The following PCBD2 variants were observed in gnomAD, a reference collection of about 807,000 sequenced individuals.
PCBD2 encodes pterin-4 alpha-carbinolamine dehydratase 2.
PCBD2 carries 12 observed loss-of-function variants against 16.4 expected under a neutral mutation model. The ratio of observed to expected loss-of-function variants is 0.73; its 90% CI spans 0.47 to 1.19. PCBD2 has a LOEUF of 1.19. Ranked by LOEUF, PCBD2 falls within the 50% of genes most tolerant of loss-of-function variation. PCBD2 has a pLI of 0.00. For synonymous variants in PCBD2, 58 were observed against 61.8 expected (o/e 0.94, Z 0.29); for missense variants, 138 against 156.8 (o/e 0.88, Z 0.64).
rs116372659 is a variant in PCBD2 at position 134,918,483 on chromosome 5, C to T, written c.216+8017C>T. On this transcript the variant is annotated intron_variant, in intron 2 of 3. Transcript: ENST00000254908. ...TCACGGCACTGCACTCCAGCCTGGG[C>T]GACAGAGTACTCCATCTCAAAAAAT... Among the ~76,000 whole-genome samples, 1,239 of 152,036 alleles carry T rather than the reference C, an allele frequency of 8.1e-3. 8 individuals carry two copies. Among genetic ancestry groups the T allele is most frequent in the Middle Eastern group, 0.037 (11 of 294 alleles).
At chr5:134,910,722 G>A (rs1750759243) in intron 2 of PCBD2, among the ~76,000 whole-genome samples, 1 of 152,212 alleles carries the variant, frequency 6.6e-6, no homozygotes, top group African/African-American at 2.4e-5. Context: ...CTTTGGTATG[G>A]TGTTGGTTAG....
chr5:134,941,670 CG>C (rs1421170911), intron 2 of PCBD2, among the ~76,000 whole-genome samples: 1 of 151,856 alleles, frequency 6.6e-6, no homozygotes, highest in African/African-American at 2.4e-5. Context: ...GAGAATGAGT[CG>C]GATGTTTTAA....
At chr5:134,957,577 GGATCCCTTGAGT>G (rs1239813557) in intron 2 of PCBD2, among the ~76,000 whole-genome samples, 3 of 152,288 alleles carry the variant, frequency 2.0e-5, no homozygotes, top group Non-Finnish European at 4.4e-5. Flanking sequence ...TGAGGCAGGA[GGATCCCTTGAGT>G]GATCCCTTGA....
chr5:134,925,438 A>G, intron 2 of PCBD2: 2 of 398,532 alleles, frequency 5.0e-6, no homozygotes, highest in Non-Finnish European at 8.8e-6. Context: ...TCCGGAGCAT[A>G]TAAATAGTAT....
At chr5:134,939,630 G>A (rs1243783422) in intron 2 of PCBD2, among the ~76,000 whole-genome samples, 1 of 152,156 alleles carries the variant, frequency 6.6e-6, no homozygotes, top group Non-Finnish European at 1.5e-5. Context: ...TGCCTGCAAT[G>A]AGCAACAGCT....
At chr5:134,918,981 T>C (rs757250889) in intron 2 of PCBD2, among the ~76,000 whole-genome samples, 1 of 152,138 alleles carries the variant, frequency 6.6e-6, no homozygotes, top group Non-Finnish European at 1.5e-5. Flanking sequence ...AACAGATAGA[T>C]GAGGAGAAAT....
chr5:134,909,805 A>G (rs1192909902), intron 1 of PCBD2, among the ~76,000 whole-genome samples: 2 of 152,220 alleles, frequency 1.3e-5, no homozygotes, highest in East Asian at 1.9e-4. Context: ...GCAGTCACTC[A>G]TGCCTGTAAT....
At chr5:134,947,773 TCG>T (rs1366125776) in intron 2 of PCBD2, among the ~76,000 whole-genome samples, 2 of 151,486 alleles carry the variant, frequency 1.3e-5, no homozygotes, top group African/African-American at 4.8e-5. Flanking sequence ...GCCTATGAAG[TCG>T]TTTTTTTTTT....
intron 2 of PCBD2, among the ~76,000 whole-genome samples, chr5:134,953,260 A>G (rs1302190006): frequency 6.6e-6 from 1 of 151,304 alleles, no homozygotes; most frequent in Middle Eastern, 3.2e-3. Flanking sequence ...TTTCATTTTA[A>G]TTATGTTTTT....
At chr5:134,959,244 A>G in intron 3 of PCBD2, 124 bp downstream of exon 3, 2 of 669,826 alleles carry the variant, frequency 3.0e-6, no homozygotes, top group Non-Finnish European at 2.5e-6. Flanking sequence ...TTCTCTCAGA[A>G]TCCCTGTGTA....
intron 2 of PCBD2, among the ~76,000 whole-genome samples, chr5:134,922,473 C>A (rs1484260816): frequency 6.6e-6 from 1 of 152,170 alleles, no homozygotes; most frequent in East Asian, 1.9e-4. Flanking sequence ...TTTTTATGCA[C>A]TTAACAATAA....
intron 2 of PCBD2, among the ~76,000 whole-genome samples, chr5:134,946,289 C>G (rs377415741): frequency 1.1e-4 from 17 of 152,162 alleles, no homozygotes; most frequent in African/African-American, 4.1e-4. Context: ...GGGACTATTC[C>G]AAGTTTGCAA....
intron 1 of PCBD2, chr5:134,905,530 G>A: frequency 3.5e-6 from 1 of 282,334 alleles, no homozygotes; most frequent in Non-Finnish European, 6.6e-6. Context: ...GATGTGAAAA[G>A]TAGTTGCAGA....
chr5:134,921,559 G>T (rs893557302), intron 2 of PCBD2, among the ~76,000 whole-genome samples: 1 of 152,116 alleles, frequency 6.6e-6, no homozygotes, highest in Non-Finnish European at 1.5e-5. Context: ...GTACAGGGGG[G>T]TTCCTGTGGC....
At position 134,962,191 on chromosome 5, in the gene PCBD2, A is replaced by G. The variant is rs1403781548; in HGVS notation, c.*1510A>G. ...ACTGTAGTCTTGACTTCTCAGGCTC[A>G]AGTGATCCTCTCACCTCAGCCTCCT... On this transcript the variant is annotated 3_prime_UTR_variant, in exon 4 of 4. Transcript: ENST00000254908. Among the ~76,000 whole-genome samples, 2 of 151,946 alleles carry G rather than the reference A, an allele frequency of 1.3e-5. No individual in the cohort carries two copies. The highest frequency in any genetic ancestry group is 4.8e-5 in the African/African-American group (2 of 41,358).
intron 1 of PCBD2, among the ~76,000 whole-genome samples, chr5:134,908,440 G>A (rs1040413658): frequency 2.0e-5 from 3 of 151,986 alleles, no homozygotes; most frequent in African/African-American, 7.2e-5. Context: ...TAAGGTGGGC[G>A]GATCCCTCGA....
intron 2 of PCBD2, among the ~76,000 whole-genome samples, chr5:134,954,931 G>A (rs1179204548): frequency 6.6e-6 from 1 of 151,744 alleles, no homozygotes; most frequent in Non-Finnish European, 1.5e-5. Context: ...TAGTAGAGAT[G>A]GGGTTTCTCC....
intron 2 of PCBD2, among the ~76,000 whole-genome samples, chr5:134,934,995 A>C (rs1351920452): frequency 6.6e-6 from 1 of 152,210 alleles, no homozygotes; most frequent in Non-Finnish European, 1.5e-5. Flanking sequence ...CTCCATTGTT[A>C]AGTTTTATAG....
chr5:134,926,378 T>A (rs946972120), intron 2 of PCBD2: 1 of 382,610 alleles, frequency 2.6e-6, no homozygotes, highest in Non-Finnish European at 4.6e-6. Flanking sequence ...GAGTTTTTTT[T>A]ATTAGGGTTA....
Sources: gnomAD v4.1 joint callset for allele counts (sites outside exome capture counted in the v4.1 genomes callset) on GRCh38, gnomAD v4.1.1 for gene constraint, MANE v1.5 for transcripts, NCBI Gene and HGNC (gene_info 2026-07-23, HGNC 2026-07-21) for gene names.